DIPK1A: variants seen among roughly 807,000 people sequenced by gnomAD.
DIPK1A encodes family with sequence similarity 69 member A.
In DIPK1A, 27 loss-of-function variants were observed where a neutral mutation model predicts 40.8. The observed-to-expected ratio is 0.66, with a 90% CI of 0.49 to 0.91. DIPK1A has a LOEUF of 0.91. DIPK1A is among the 40% of genes least tolerant of loss of function. DIPK1A has a pLI of 0.00. For missense variants in DIPK1A, 412 were observed against 505.7 expected, an observed-to-expected ratio of 0.81 and a Z score of 1.78; for synonymous variants, 166 against 171.3, an observed-to-expected ratio of 0.97 and a Z score of 0.24.
intron 1 of DIPK1A, among the ~76,000 whole-genome samples, chr1:92,927,387 T>TTTTTTTTA (rs1650563037): frequency 1.1e-5 from 1 of 91,536 alleles, no homozygotes; most frequent in African/African-American, 3.8e-5. Flanking sequence ...TTTTTTTTTT[T>TTTTTTTTA]GCAGAGATGA....
chr1:92,841,690 T>G, downstream of DIPK1A: 1 of 925,814 alleles, frequency 1.1e-6, no homozygotes, highest in Non-Finnish European at 1.5e-6. Context: ...AAAATTAAAT[T>G]TTATTAAAAT....
chr1:92,861,278 T>G (rs1647256453), intron 2 of DIPK1A, among the ~76,000 whole-genome samples: 1 of 151,214 alleles, frequency 6.6e-6, no homozygotes, highest in Admixed American at 6.6e-5. Flanking sequence ...AATGCATCTA[T>G]TCAGATAATC....
chr1:92,922,180 G>A (rs962072318), intron 1 of DIPK1A, among the ~76,000 whole-genome samples: 3 of 149,800 alleles, frequency 2.0e-5, no homozygotes, highest in South Asian at 4.2e-4. Context: ...TTAGTTAACA[G>A]CATTTTAATC....
intron 1 of DIPK1A, among the ~76,000 whole-genome samples, chr1:92,937,232 G>A (rs1389415706): frequency 6.6e-6 from 1 of 151,872 alleles, no homozygotes; most frequent in African/African-American, 2.4e-5. Context: ...AGGCTGAAGC[G>A]GGCAGATTAC....
At chr1:92,840,316 T>C, downstream of DIPK1A, 1 of 464,170 alleles carries the variant, frequency 2.2e-6, no homozygotes, top group Non-Finnish European at 3.9e-6. Flanking sequence ...CTGGCCTGAT[T>C]TTTTTCTTGA....
At chr1:92,923,434 C>G (rs1055576327) in intron 1 of DIPK1A, among the ~76,000 whole-genome samples, 1 of 152,204 alleles carries the variant, frequency 6.6e-6, no homozygotes, top group East Asian at 1.9e-4. Context: ...CCTCACTCAG[C>G]CTGTTCCTTA....
At chr1:92,849,584 C>T (rs186231381) in intron 3 of DIPK1A, among the ~76,000 whole-genome samples, 1 of 152,234 alleles carries the variant, frequency 6.6e-6, no homozygotes, top group East Asian at 1.9e-4. Context: ...GAGATCTTGG[C>T]TCACTGGAAC....
At chr1:92,900,448 G>T (rs1375267188) in intron 1 of DIPK1A, among the ~76,000 whole-genome samples, 1 of 151,862 alleles carries the variant, frequency 6.6e-6, no homozygotes, top group Non-Finnish European at 1.5e-5. Context: ...CAAATTTTCT[G>T]TTTGGTTCTT....
chr1:92,903,261 G>T (rs140311768), intron 1 of DIPK1A, among the ~76,000 whole-genome samples: 1 of 152,158 alleles, frequency 6.6e-6, no homozygotes, highest in East Asian at 1.9e-4. Context: ...GACCAGGTGG[G>T]TCTTGAACTC....
intron 1 of DIPK1A, among the ~76,000 whole-genome samples, chr1:92,928,703 T>C (rs1347357517): frequency 1.3e-5 from 2 of 152,238 alleles, no homozygotes; most frequent in Non-Finnish European, 2.9e-5. Flanking sequence ...GGCACATGCC[T>C]GTAATCCCAG....
downstream of DIPK1A, chr1:92,840,888 A>G (rs931083678): frequency 5.0e-6 from 3 of 603,060 alleles, no homozygotes; most frequent in African/African-American, 5.5e-5. Flanking sequence ...TTGGCTGACA[A>G]GTTGCTTTTT....
intron 1 of DIPK1A, among the ~76,000 whole-genome samples, chr1:92,955,602 G>C (rs1651819773): frequency 6.6e-6 from 1 of 151,490 alleles, no homozygotes; most frequent in South Asian, 2.1e-4. Flanking sequence ...GGAGGCTGAG[G>C]CAGGAGAATG....
At chr1:92,887,011 A>G (rs1648631641) in intron 1 of DIPK1A, among the ~76,000 whole-genome samples, 1 of 152,054 alleles carries the variant, frequency 6.6e-6, no homozygotes, top group Non-Finnish European at 1.5e-5. Flanking sequence ...ACTGTTCAGC[A>G]AATACTCATT....
rs142360351 is a variant in DIPK1A at position 92,886,835 on chromosome 1, ATAGC to A, written c.55-10409_55-10406del. ...CAGTCTGCTGCTTGGTTTTATAAAT[ATAGC>A]TTATTGGAACACAGTTACTCTAGTT... On this transcript the variant is annotated intron_variant, in intron 1 of 4. Transcript: ENST00000370310. Among the ~76,000 whole-genome samples the A allele has an allele frequency of 7.7e-3, 1,170 of 152,140 alleles. 13 individuals carry two copies. Among genetic ancestry groups the A allele is most frequent in the African/African-American group, 0.027 (1,112 of 41,498 alleles).
intron 4 of DIPK1A, among the ~76,000 whole-genome samples, chr1:92,846,846 T>TACAC (rs1557449955): frequency 7.8e-4 from 1 of 1,280 alleles, no homozygotes; most frequent in Non-Finnish European, 1.1e-3. Flanking sequence ...TATATATGTG[T>TACAC]GTATATATAT....
intron 1 of DIPK1A, among the ~76,000 whole-genome samples, chr1:92,948,685 ATG>A (rs1651482084): frequency 8.2e-6 from 1 of 121,974 alleles, no homozygotes; most frequent in African/African-American, 2.9e-5. Flanking sequence ...ATACATGTAT[ATG>A]TATATATACA....
intron 2 of DIPK1A, among the ~76,000 whole-genome samples, chr1:92,870,568 C>A (rs1647794650): frequency 6.6e-6 from 1 of 152,200 alleles, no homozygotes; most frequent in Non-Finnish European, 1.5e-5. Flanking sequence ...CTTTGTCTTT[C>A]AACTAAATCA....
intron 2 of DIPK1A, among the ~76,000 whole-genome samples, chr1:92,861,664 C>A (rs1029393495): frequency 2.0e-5 from 3 of 151,996 alleles, no homozygotes; most frequent in African/African-American, 7.2e-5. Context: ...CTCTGACTTG[C>A]AAATTTTAGT....
At chr1:92,886,418 T>G (rs1557469512) in intron 1 of DIPK1A, among the ~76,000 whole-genome samples, 2 of 152,032 alleles carry the variant, frequency 1.3e-5, no homozygotes, top group Non-Finnish European at 2.9e-5. Flanking sequence ...ATTCCTGGGC[T>G]CAAGCAATTG....
Sources: gnomAD v4.1 joint callset for allele counts (sites outside exome capture counted in the v4.1 genomes callset) on GRCh38, gnomAD v4.1.1 for gene constraint, MANE v1.5 for transcripts, NCBI Gene and HGNC (gene_info 2026-07-23, HGNC 2026-07-21) for gene names.